Variants in MYLK observed in about 807,000 individuals in gnomAD.
MYLK encodes the protein myosin light chain kinase, smooth muscle.
Under a neutral mutation model 203.4 loss-of-function variants are expected in MYLK, and 106 were observed. The observed-to-expected ratio is 0.52, with a 90% CI of 0.45 to 0.61. The LOEUF (loss-of-function observed/expected upper bound fraction) is 0.61, where lower values mean the gene tolerates loss of function less well. MYLK is among the 20% of genes least tolerant of loss of function. The pLI, the probability that MYLK is intolerant of heterozygous loss-of-function variation, is 0.00. For synonymous variants in MYLK, 867 were observed against 959.5 expected (o/e 0.90, Z 1.78); for missense variants, 2,072 against 2,442.3 (o/e 0.85, Z 3.20).
chr3:123,761,898 G>A (rs893158012), intron 4 of MYLK, among the ~76,000 whole-genome samples: 4 of 151,988 alleles, frequency 2.6e-5, no homozygotes, highest in African/African-American at 9.7e-5. Flanking sequence ...ATGGTGGCGG[G>A]CACCTGTAAT....
chr3:123,773,331 G>T (rs1307394719), intron 4 of MYLK, among the ~76,000 whole-genome samples: 5 of 152,142 alleles, frequency 3.3e-5, no homozygotes, highest in African/African-American at 1.2e-4. Context: ...TGTCATCACT[G>T]GATGGTGGGA....
chr3:123,767,957 C>G (rs1299086703), intron 4 of MYLK, among the ~76,000 whole-genome samples: 1 of 152,176 alleles, frequency 6.6e-6, no homozygotes, highest in Non-Finnish European at 1.5e-5. Context: ...CCTAAGGGAG[C>G]CTGGACTCCT....
chr3:123,778,783 A>C (rs2109020705), intron 4 of MYLK, among the ~76,000 whole-genome samples: 1 of 152,316 alleles, frequency 6.6e-6, no homozygotes, highest in Non-Finnish European at 1.5e-5. Context: ...TCATAGAAGA[A>C]CCTGTTTAGG....
At chr3:123,726,851 C>T (rs946973531) in intron 11 of MYLK, among the ~76,000 whole-genome samples, 4 of 152,164 alleles carry the variant, frequency 2.6e-5, no homozygotes, top group African/African-American at 9.7e-5. Context: ...CCAGAACATG[C>T]TGTACATGTG....
rs142861527 is a variant in MYLK, at chr3:123,635,093, C to G, written c.4961+2978G>C. Among the ~76,000 whole-genome samples the G allele has an allele frequency of 1.5e-3, 226 of 152,326 alleles. 1 individual carries two copies. Among genetic ancestry groups the G allele is most frequent in the African/African-American group, 5.1e-3 (213 of 41,582 alleles). On this transcript the variant is annotated intron_variant, in intron 29 of 33. Transcript: ENST00000360304. ...TGACACGGTCTGTTGCCTTCCCTTC[C>G]AACTCCCTGGCCTCTCCATCTCTCA...
At chr3:123,687,745 C>T (rs776715809) in intron 19 of MYLK, among the ~76,000 whole-genome samples, 1 of 151,940 alleles carries the variant, frequency 6.6e-6, no homozygotes, top group African/African-American at 2.4e-5. Context: ...AATCTTGGCT[C>T]ACTGTAGCCT....
chr3:123,618,508 C>A, intron 33 of MYLK, 131 bp downstream of exon 33: 1 of 1,272,210 alleles, frequency 7.9e-7, no homozygotes. Context: ...GACCCAGTTT[C>A]CCCCAAAGCT....
intron 13 of MYLK, among the ~76,000 whole-genome samples, chr3:123,721,185 C>G (rs2062073638): frequency 6.6e-6 from 1 of 152,206 alleles, no homozygotes; most frequent in African/African-American, 2.4e-5. Context: ...CTGCAGCCTC[C>G]CAGACAGTGG....
chr3:123,798,129 T>A lies in MYLK; in HGVS notation c.-3-4285A>T, dbSNP rs115269331. 8.1e-3 allele frequency among the ~76,000 whole-genome samples: 1,226 copies of A among 152,260 alleles called. 17 individuals are homozygous for A. The highest frequency in any genetic ancestry group is 0.028 in the African/African-American group (1,180 of 41,536). ...GTGCTGACATCATGCTGGGCACCCA[T>A]CTCAATCAGAAAGAGCAGTTCTAAT... On this transcript the variant is annotated intron_variant, in intron 3 of 33. Transcript: ENST00000360304.
At chr3:123,698,811 G>C (rs768784364) in intron 18 of MYLK, 2 of 152,948 alleles carry the variant, frequency 1.3e-5, no homozygotes, top group Non-Finnish European at 2.9e-5. Flanking sequence ...ACCCTTACCG[G>C]GGGCTGAGAG....
rs764998713 is a variant in MYLK at position 123,751,528 on chromosome 3, C to T, written c.373+803G>A. Among the ~76,000 whole-genome samples the T allele has an allele frequency of 1.2e-4, 19 of 152,168 alleles. 1 individual carries two copies. The highest frequency in any genetic ancestry group is 2.4e-5 in the African/African-American group (1 of 41,420). On this transcript the variant is annotated intron_variant, in intron 5 of 33. Transcript: ENST00000360304. ...GAGTTACATAATTTTTAATAATGAGCATGTATTATTTCATAATGACGCTAA... is the reference window on the plus strand; with the variant it reads ...GAGTTACATAATTTTTAATAATGAGTATGTATTATTTCATAATGACGCTAA...
intron 13 of MYLK, among the ~76,000 whole-genome samples, chr3:123,717,963 G>GCAATCCTCCTGCCTCAGC (rs2061958961): frequency 6.7e-6 from 1 of 150,062 alleles, no homozygotes; most frequent in South Asian, 2.1e-4. Context: ...GCAGGCTCAA[G>GCAATCCTCCTGCCTCAGC]CAATCCTCCT....
rs938370909 is a variant in MYLK at position 123,763,204 on chromosome 3, A to G, written c.166-10666T>C. Among the ~76,000 whole-genome samples the G allele has an allele frequency of 9.2e-5, 14 of 152,352 alleles. No homozygotes were observed. The East Asian group carries it at 2.5e-3, about 27-fold the overall frequency. ...TATCCTTAGTTTTTTAAGGACTCCA[A>G]CTTCTTAAGAGAACCATACATTCTT... On this transcript the variant is annotated intron_variant, in intron 4 of 33. Transcript: ENST00000360304.
intron 18 of MYLK, among the ~76,000 whole-genome samples, chr3:123,694,523 A>C (rs2060825977): frequency 6.6e-6 from 1 of 152,174 alleles, no homozygotes. Context: ...AGCAGAGACC[A>C]ATCCCATCTG....
At chr3:123,832,245 A>G (rs1313751467) in intron 2 of MYLK, among the ~76,000 whole-genome samples, 1 of 152,190 alleles carries the variant, frequency 6.6e-6, no homozygotes, top group Non-Finnish European at 1.5e-5. Flanking sequence ...CCAAGGTGGA[A>G]CACGGGACCC....
chr3:123,659,090 T>A (rs1447357921), intron 23 of MYLK, among the ~76,000 whole-genome samples: 3 of 152,198 alleles, frequency 2.0e-5, no homozygotes, highest in Non-Finnish European at 2.9e-5. Flanking sequence ...TTTTGAAACA[T>A]TTCTGGTTTT....
intron 11 of MYLK, among the ~76,000 whole-genome samples, chr3:123,726,734 C>T (rs1284317210): frequency 2.0e-5 from 3 of 152,128 alleles, no homozygotes; most frequent in African/African-American, 7.2e-5. Context: ...TGGTTGAGAA[C>T]TGCTGAGCTG....
At chr3:123,831,243 T>C (rs1454184761) in intron 3 of MYLK, among the ~76,000 whole-genome samples, 1 of 152,158 alleles carries the variant, frequency 6.6e-6, no homozygotes, top group African/African-American at 2.4e-5. Flanking sequence ...GTGTGAACAG[T>C]TTCTAGCAGC....
Position 123,807,311 on chromosome 3 carries a change from C to T in MYLK, c.-3-13467G>A, listed in dbSNP as rs551663481. On this transcript the variant is annotated intron_variant, in intron 3 of 33. Transcript: ENST00000360304. ...GGGTGTGGTGGCAGGCGCCTGTAAT[C>T]CCAGCTACTCTGGAGGCTGAGGCAG... Among the ~76,000 whole-genome samples, 9 of 152,130 alleles carry T rather than the reference C, an allele frequency of 5.9e-5. No homozygotes were observed. In the South Asian group the frequency reaches 1.9e-3, roughly 32 times the overall value.
Sources: gnomAD v4.1 joint callset for allele counts (sites outside exome capture counted in the v4.1 genomes callset) on GRCh38, gnomAD v4.1.1 for gene constraint, MANE v1.5 for transcripts, NCBI Gene and HGNC (gene_info 2026-07-23, HGNC 2026-07-21) for gene names.